Variants in KCNAB3 observed in about 807,000 individuals in gnomAD.
The protein encoded by KCNAB3 is potassium voltage-gated channel subfamily A regulatory beta subunit 3, also known as voltage-gated potassium channel subunit beta-3.
In KCNAB3, 62 loss-of-function variants were observed where a neutral mutation model predicts 67.7. The observed-to-expected ratio is 0.92, with a 90% CI of 0.75 to 1.13. The LOEUF (loss-of-function observed/expected upper bound fraction) is 1.13, where lower values mean the gene tolerates loss of function less well. KCNAB3 is among the 50% of genes most tolerant of loss of function. The pLI is 0.00. For synonymous variants in KCNAB3, 212 were observed against 205.4 expected (o/e 1.03, Z -0.27); for missense variants, 514 against 522.9 (o/e 0.98, Z 0.17).
At chr17:7,926,926 G>A (rs1465207536) in intron 4 of KCNAB3, among the ~76,000 whole-genome samples, 2 of 152,208 alleles carry the variant, frequency 1.3e-5, no homozygotes. Flanking sequence ...ACCAACTCTG[G>A]GGAGTTGGGC....
intron 9 of KCNAB3, 23 bp downstream of exon 9, chr17:7,924,392 G>A (rs1972154255): frequency 6.2e-7 from 1 of 1,611,014 alleles, no homozygotes; most frequent in Admixed American, 1.7e-5. Context: ...TGGGACAGGG[G>A]CAAGGTGGGG....
chr17:7,929,092 C>T lies in KCNAB3; in HGVS notation c.242+102G>A, dbSNP rs549574787. 6.7e-7 allele frequency: 1 copy of T among 1,503,140 alleles called. No individual in the cohort carries two copies. Among genetic ancestry groups the T allele is most frequent in the African/African-American group, 1.4e-5 (1 of 71,204 alleles). The allele number at this position is 1,503,140 out of a possible 1,614,324, so 93.1% of individuals were successfully genotyped here. On this transcript the variant is annotated intron_variant, in intron 1 of 13. Transcript: ENST00000303790. The surrounding 1 kb of genome is among the most constrained non-coding windows in gnomAD (Gnocchi z 5.7). The stretch of plus-strand genomic sequence containing the variant: ...AAAGAAGAGATGGAAAGAAGGGAGA[C>T]CTACTTAGTGAAGTTTGAAGGGGTC...
rs1457351004 is a variant in KCNAB3 at position 7,923,795 on chromosome 17, C to A, written c.964G>T (p.Asp322Tyr). ...ACTTTGGCTTGTTGCTTCTTGCCATCTTCACTCTGCACTTTGTCCTTGAGC... is the reference window on the plus strand; with the variant it reads ...ACTTTGGCTTGTTGCTTCTTGCCATATTCACTCTGCACTTTGTCCTTGAGC... ...QWLKDKVQSE[D>Y]GKKQQAKVMD... is the part of the protein sequence containing the mutation. Residue 322 changes from aspartate to tyrosine, a missense_variant, in exon 12 of 14, where the codon GAT becomes TAT. Transcript: ENST00000303790. 1.3e-6 allele frequency: 2 copies of A among 1,581,634 alleles called. No individual in the cohort carries two copies. Among genetic ancestry groups the A allele is most frequent in the African/African-American group, 1.3e-5 (1 of 74,372 alleles).
chr17:7,923,525 C>T lies in KCNAB3; in HGVS notation c.1068G>A (p.Glu356=), dbSNP rs778444840. ...QLAIAWCLRS[E]GVSSVLLGVS... The stretch of plus-strand genomic sequence containing the variant: ...CCCCCAGCAAGACAGAGCTGACACC[C>T]TCACTGCGGAGACACCACGCTGGGG... Residue 356 remains glutamate (E), a synonymous_variant, in exon 13 of 14, where the codon GAG becomes GAA. Transcript: ENST00000303790. 6.6e-5 allele frequency: 107 copies of T among 1,611,474 alleles called. No homozygotes were observed. Among genetic ancestry groups the T allele is most frequent in the Non-Finnish European group, 8.7e-5 (102 of 1,178,940 alleles).
chr17:7,925,855 T>TG, intron 6 of KCNAB3, 76 bp downstream of exon 6: 51 of 1,547,666 alleles, frequency 3.3e-5, no homozygotes, highest in Non-Finnish European at 4.1e-5. Context: ...AGGATAGCTG[T>TG]CCCCACCCCC....
At chr17:7,926,194 G>A (rs774811300) in intron 4 of KCNAB3, 91 bp from the exon 5 acceptor site, 59 of 1,475,300 alleles carry the variant, frequency 4.0e-5, no homozygotes, top group Non-Finnish European at 5.3e-5. Flanking sequence ...TGCAAAGTAG[G>A]ATATAAACCA....
intron 4 of KCNAB3, 54 bp downstream of exon 4, chr17:7,927,290 T>C: frequency 1.3e-6 from 2 of 1,481,728 alleles, no homozygotes; most frequent in Admixed American, 1.7e-5. Flanking sequence ...AGATAATCCC[T>C]GGGGTCCTCT....
chr17:7,929,047 T>G lies in KCNAB3; in HGVS notation c.242+147A>C. 1 of 1,255,632 alleles carries G rather than the reference T, an allele frequency of 8.0e-7. No individual in the cohort carries two copies. Among genetic ancestry groups the G allele is most frequent in the Non-Finnish European group, 1.1e-6 (1 of 921,136 alleles). The allele number at this position is 1,255,632 out of a possible 1,614,324, so 77.8% of individuals were successfully genotyped here. Reference sequence around the variant, plus strand: ...GACAGAAACCAAGAGAGGGACAAAGTGAGGGAGTGCCAGAGACAGAAAGAA... The same window carrying G: ...GACAGAAACCAAGAGAGGGACAAAGGGAGGGAGTGCCAGAGACAGAAAGAA... On this transcript the variant is annotated intron_variant, in intron 1 of 13. Transcript: ENST00000303790. The surrounding 1 kb of genome is among the most constrained non-coding windows in gnomAD (Gnocchi z 5.7).
chr17:7,927,478 C>T, intron 3 of KCNAB3, 55 bp from the exon 4 acceptor site: 1 of 1,566,422 alleles, frequency 6.4e-7, no homozygotes. Context: ...ACCTCCCTCA[C>T]TGTACTCTAA....
In KCNAB3 at chr17:7,929,118, T is replaced by C. The variant is rs1426273373; in HGVS notation, c.242+76A>G. ...CTACTTAGTGAAGTTTGAAGGGGTC[T>C]TGGCGGCCATCTCAAGCAGTCTCAG... On this transcript the variant is annotated intron_variant, in intron 1 of 13. Transcript: ENST00000303790. This position sits in a 1 kb window ranked among gnomAD's most constrained non-coding sequence, Gnocchi z 5.7. 6 of 1,570,290 alleles carry C rather than the reference T, an allele frequency of 3.8e-6. No individual in the cohort carries two copies. The highest frequency in any genetic ancestry group is 5.2e-6 in the Non-Finnish European group (6 of 1,161,836).
rs201042391 is a variant in KCNAB3, at chr17:7,929,262, A to T, written c.174T>A (p.Val58=). 6.2e-7 allele frequency: 1 copy of T among 1,606,394 alleles called. No individual in the cohort carries two copies. The highest frequency in any genetic ancestry group is 2.2e-5 in the East Asian group (1 of 44,544). ...GSGPKARAAL[V]PRPPAPAGAL... Reference sequence around the variant, plus strand: ...CCCCAGCGGGCGCTGGGGGTCGGGGAACCAGTGCAGCTCGGGCCTTGGGGC... The same window carrying T: ...CCCCAGCGGGCGCTGGGGGTCGGGGTACCAGTGCAGCTCGGGCCTTGGGGC... Residue 58 remains valine (V), a synonymous_variant, in exon 1 of 14, where the codon GTT becomes GTA. Coordinates refer to ENST00000303790, the MANE Select transcript of KCNAB3 (RefSeq NM_004732.4). The surrounding 1 kb of genome is among the most constrained non-coding windows in gnomAD (Gnocchi z 5.7).
At position 7,921,979 on chromosome 17, in the gene KCNAB3, G is replaced by A. The variant is rs1972054566; in HGVS notation, c.*1123C>T. 6.6e-6 allele frequency: 1 copy of A among 152,222 alleles called. No individual in the cohort carries two copies. The highest frequency in any genetic ancestry group is 1.9e-4 in the East Asian group (1 of 5,208). The allele number at this position is 152,222 out of a possible 1,614,324, so 9.4% of individuals were successfully genotyped here. On this transcript the variant is annotated 3_prime_UTR_variant, in exon 14 of 14. Coordinates refer to ENST00000303790, the MANE Select transcript of KCNAB3 (RefSeq NM_004732.4). ...GGTTCTAAGGAATGTGGTAGCTGAA[G>A]GAAGAAAACTGGGGCCTGGGGTATC... is the stretch of plus-strand genomic sequence containing the variant.
intron 2 of KCNAB3, 21 bp downstream of exon 2, chr17:7,927,762 T>C (rs775109381): frequency 2.4e-5 from 39 of 1,614,066 alleles, no homozygotes; most frequent in African/African-American, 4.0e-5. Flanking sequence ...CCTCCTTTCC[T>C]TAATCCCTAT....
In KCNAB3 at chr17:7,923,830, C is replaced by T. The variant is rs765500955; in HGVS notation, c.929G>A (p.Gly310Asp). The part of the protein sequence containing the change: ...VPDTCRASIK[G>D]YQWLKDKVQS... ...CACTTTGTCCTTGAGCCACTGGTAG[C>T]CCTGGAGGCCAAGAAGAATCAACAG... The change falls in exon 12 of 14, where the codon GGC (glycine) becomes GAC (aspartate). Residue 310 changes from glycine (G) to aspartate (D), a missense_variant and splice_region_variant. By Grantham distance (94) the Gly-to-Asp change is moderately conservative (BLOSUM62 -1). Coordinates refer to ENST00000303790, the MANE Select transcript of KCNAB3 (RefSeq NM_004732.4). The T allele has an allele frequency of 1.9e-6, 3 of 1,572,066 alleles. No individual in the cohort carries two copies. Among genetic ancestry groups the T allele is most frequent in the South Asian group, 1.2e-5 (1 of 86,348 alleles).
intron 4 of KCNAB3, among the ~76,000 whole-genome samples, 183 bp from the exon 5 acceptor site, chr17:7,926,286 T>G (rs920910055): frequency 6.6e-6 from 1 of 152,222 alleles, no homozygotes; most frequent in Non-Finnish European, 1.5e-5. Context: ...TTGTATAGTT[T>G]TCATCACATA....
Position 7,924,404 on chromosome 17 carries a change from C to A in KCNAB3, c.711+11G>T, listed in dbSNP as rs753902409. 6.2e-7 allele frequency: 1 copy of A among 1,612,752 alleles called. No individual in the cohort carries two copies. The highest frequency in any genetic ancestry group is 1.1e-5 in the South Asian group (1 of 90,856). ...TTGTGGGACAGGGGCAAGGTGGGGT[C>A]ACACACTCACCATGATTTCTGCAGC... is the stretch of plus-strand genomic sequence containing the variant. On this transcript the variant is annotated intron_variant, in intron 9 of 13. Transcript: ENST00000303790.
Position 7,929,402 on chromosome 17 carries a change from G to C in KCNAB3, c.34C>G (p.Leu12Val). The C allele has an allele frequency of 3.2e-6, 5 of 1,548,402 alleles. No homozygotes were observed. Among genetic ancestry groups the C allele is most frequent in the Non-Finnish European group, 4.4e-6 (5 of 1,146,468 alleles). Residue 12 changes from leucine to valine, a missense_variant, in exon 1 of 14, where the codon CTT becomes GTT. By Grantham distance (32) the Leu-to-Val change is conservative (BLOSUM62 1). Transcript: ENST00000303790. This position sits in a 1 kb window ranked among gnomAD's most constrained non-coding sequence, Gnocchi z 5.7. ...QVSIACTEQN[L>V]RSRSSEDRLC... ...CGGTCCTCACTGCTCCGGCTGCGAA[G>C]GTTCTGCTCGGTACACGCGATAGAC...
At chr17:7,927,309 C>G in intron 4 of KCNAB3, 35 bp downstream of exon 4, 1 of 1,589,818 alleles carries the variant, frequency 6.3e-7, no homozygotes, top group South Asian at 1.1e-5. Flanking sequence ...CTCAGCCTTC[C>G]AAATGGAGCT....
At chr17:7,923,680 G>A (rs1187964734) in intron 12 of KCNAB3, 31 bp downstream of exon 12, 1 of 1,553,734 alleles carries the variant, frequency 6.4e-7, no homozygotes, top group East Asian at 2.4e-5. Context: ...GTCAGGAGGA[G>A]ACAGGGCCCC....
Sources: gnomAD v4.1 joint callset for allele counts (sites outside exome capture counted in the v4.1 genomes callset) on GRCh38, gnomAD v4.1.1 for gene constraint, Gnocchi (gnomAD v3.1) non-coding constraint, MANE v1.5 for transcripts, NCBI Gene and HGNC (gene_info 2026-07-23, HGNC 2026-07-21) for gene names.